Variants in RNF40 observed in about 807,000 individuals in gnomAD.
RNF40 encodes E3 ubiquitin-protein ligase BRE1B.
RNF40 carries 39 observed loss-of-function variants against 123.3 expected under a neutral mutation model. The observed-to-expected ratio is 0.32, with a 90% CI of 0.24 to 0.41. The LOEUF is 0.41. RNF40 is among the 10% of genes least tolerant of loss of function. The probability of loss-of-function intolerance (pLI) is 1.00; values close to 1 mark genes in which losing one functional copy is unlikely to be tolerated. For missense variants in RNF40, 1,003 were observed against 1,319.9 expected (o/e 0.76, Z 3.72); for synonymous variants, 538 against 526.0 (o/e 1.02, Z -0.31).
rs1398916629 is a variant in RNF40 at position 30,768,867 on chromosome 16, A to G, written c.2127A>G (p.Glu709=). The G allele has an allele frequency of 6.2e-7, 1 of 1,614,182 alleles. No homozygotes were observed. Among genetic ancestry groups the G allele is most frequent in the Non-Finnish European group, 8.5e-7 (1 of 1,180,012 alleles). The change falls in exon 15 of 20, where the codon GAA becomes GAG. Residue 709 remains glutamate, a synonymous_variant. Coordinates refer to ENST00000324685, the MANE Select transcript of RNF40 (RefSeq NM_014771.4). This position sits in a 1 kb window ranked among gnomAD's most constrained non-coding sequence, Gnocchi z 4.1. ...ATGAGCTGCGGAGCCGCATCCGGGA[A>G]TTGGAGGAGAGGGATCGAAGGGAGA... ...EVDELRSRIR[E]LEERDRRESK...
At position 30,766,577 on chromosome 16, in the gene RNF40, C is replaced by T. The variant is rs1043059792; in HGVS notation, c.1293+19C>T. On this transcript the variant is annotated intron_variant, in intron 10 of 19. Transcript: ENST00000324685. This position sits in a 1 kb window ranked among gnomAD's most constrained non-coding sequence, Gnocchi z 5.4. The stretch of plus-strand genomic sequence containing the variant: ...CATGGAGGTATGGCCCTGGAACAGG[C>T]GTTAGGGCTGGGCTAAGGGCCAAAC... 5.0e-6 allele frequency: 8 copies of T among 1,597,334 alleles called. No individual in the cohort carries two copies. The highest frequency in any genetic ancestry group is 2.7e-5 in the African/African-American group (2 of 74,656).
In RNF40 at chr16:30,762,726, C is replaced by T. The variant is rs532136196; in HGVS notation, c.132+49C>T. 4 of 1,595,560 alleles carry T rather than the reference C, an allele frequency of 2.5e-6. No homozygotes were observed. The African/African-American group carries it at 5.4e-5, about 22-fold the overall frequency. ...CTCAGAACTTCCCAGAGCCCTCCCT[C>T]TGTTCTCTGGCCAAACTGTGCGGAA... On this transcript the variant is annotated intron_variant, in intron 2 of 19. Transcript: ENST00000324685.
intron 11 of RNF40, among the ~76,000 whole-genome samples, chr16:30,767,265 A>T (rs1311813452): frequency 6.6e-6 from 1 of 152,244 alleles, no homozygotes; most frequent in Non-Finnish European, 1.5e-5. Context: ...CTGATAGAAG[A>T]CAGACTAGAG....
chr16:30,770,460 G>A (rs960626100), intron 17 of RNF40, among the ~76,000 whole-genome samples: 2 of 152,104 alleles, frequency 1.3e-5, no homozygotes, highest in Non-Finnish European at 2.9e-5. Flanking sequence ...GGCTCAGGGA[G>A]GTGGATTGTT....
chr16:30,771,642 C>A (rs1302716814), intron 17 of RNF40, among the ~76,000 whole-genome samples, 191 bp from the exon 18 acceptor site: 1 of 151,894 alleles, frequency 6.6e-6, no homozygotes. Flanking sequence ...AAAGAAACCC[C>A]AAAAAACAGC....
At position 30,766,084 on chromosome 16, in the gene RNF40, G is replaced by C; in HGVS notation, c.994-79G>C. 1 of 1,596,606 alleles carries C rather than the reference G, an allele frequency of 6.3e-7. No individual in the cohort carries two copies. The highest frequency in any genetic ancestry group is 8.6e-7 in the Non-Finnish European group (1 of 1,167,014). ...TGCCCTGCACGGGGTGCTTGGGGTG[G>C]AGTGTATGCTGGGGATGTAAGGGAG... On this transcript the variant is annotated intron_variant, in intron 8 of 19. Coordinates refer to ENST00000324685, the MANE Select transcript of RNF40 (RefSeq NM_014771.4). The surrounding 1 kb of genome is among the most constrained non-coding windows in gnomAD (Gnocchi z 5.4).
At chr16:30,772,886 G>A (rs1311699827) in intron 19 of RNF40, among the ~76,000 whole-genome samples, 4 of 152,138 alleles carry the variant, frequency 2.6e-5, no homozygotes, top group African/African-American at 9.7e-5. Context: ...GCAGAAACCA[G>A]AGTAGATGGG....
chr16:30,763,025 G>T, intron 2 of RNF40, 93 bp from the exon 3 acceptor site: 1 of 1,380,068 alleles, frequency 7.2e-7, no homozygotes, highest in Admixed American at 1.9e-5. Flanking sequence ...CATCTCCCAT[G>T]CATTGCAGAT....
chr16:30,762,046 T>C, upstream of RNF40: 1 of 460,368 alleles, frequency 2.2e-6, no homozygotes, highest in Non-Finnish European at 3.8e-6. Flanking sequence ...GCGCCCTCTC[T>C]TCCAGGTTGC....
At chr16:30,765,693 C>G (rs943208446) in intron 8 of RNF40, among the ~76,000 whole-genome samples, 194 bp downstream of exon 8, 1 of 152,042 alleles carries the variant, frequency 6.6e-6, no homozygotes, top group Admixed American at 6.5e-5. Context: ...GGCATATTGG[C>G]GAGAACAAAA....
upstream of RNF40, chr16:30,761,823 G>C (rs575524680): frequency 4.3e-6 from 6 of 1,379,378 alleles, no homozygotes; most frequent in Non-Finnish European, 5.8e-6. Context: ...CGCTCGGTCG[G>C]CGGCTACCAA....
In RNF40 at chr16:30,766,717, G is replaced by A. The variant is rs1567284380; in HGVS notation, c.1294-24G>A. On this transcript the variant is annotated intron_variant, in intron 10 of 19. Coordinates refer to ENST00000324685, the MANE Select transcript of RNF40 (RefSeq NM_014771.4). The surrounding 1 kb of genome is among the most constrained non-coding windows in gnomAD (Gnocchi z 5.4). ...TGAGGTGGGACCGAGGGGCTGTGTG[G>A]GTCCTTAACACATCAACCCACAGAG... 2 of 1,613,662 alleles carry A rather than the reference G, an allele frequency of 1.2e-6. No individual in the cohort carries two copies. The highest frequency in any genetic ancestry group is 1.1e-5 in the South Asian group (1 of 91,064).
chr16:30,772,674 C>T (rs1034418780), intron 19 of RNF40, among the ~76,000 whole-genome samples: 1 of 152,222 alleles, frequency 6.6e-6, no homozygotes. Context: ...GGAGGGGTTG[C>T]TGGGACAGCA....
chr16:30,766,759 CAGA>C lies in RNF40; in HGVS notation c.1318_1320del (p.Lys440del). 1.2e-6 allele frequency: 2 copies of C among 1,614,056 alleles called. No homozygotes were observed. Among genetic ancestry groups the C allele is most frequent in the Non-Finnish European group, 1.7e-6 (2 of 1,180,026 alleles). On this transcript the variant is annotated inframe_deletion, in exon 11 of 20. Transcript: ENST00000324685. This position sits in a 1 kb window ranked among gnomAD's most constrained non-coding sequence, Gnocchi z 5.4. Reference sequence around the variant, plus strand: ...CCCACAGAGCGACGAGCTGGGGCTGCAGAAGAAGCTACGCACAGAGGTCATTCA... The same window carrying C: ...CCCACAGAGCGACGAGCTGGGGCTGCAGAAGCTACGCACAGAGGTCATTCA...
In RNF40 at chr16:30,775,747, G is replaced by C. The variant is rs557129102; in HGVS notation, c.*1633G>C. 6.6e-6 allele frequency: 1 copy of C among 152,464 alleles called. No individual in the cohort carries two copies. The highest frequency in any genetic ancestry group is 1.5e-5 in the Non-Finnish European group (1 of 68,210). The allele number at this position is 152,464 out of a possible 1,614,324, so 9.4% of individuals were successfully genotyped here. A position where few individuals can be genotyped will look rare whatever the true frequency, so the allele number is the denominator to read the frequency against. ...TGGGGCTGGCGCCAGAGCCGGTGCG[G>C]AGCGGTGTTGGTTCAGGCGCTGGCG... On this transcript the variant is annotated 3_prime_UTR_variant, in exon 20 of 20. Transcript: ENST00000324685.
At chr16:30,764,889 T>G in intron 5 of RNF40, 49 bp from the exon 6 acceptor site, 1 of 1,582,526 alleles carries the variant, frequency 6.3e-7, no homozygotes, top group Non-Finnish European at 8.6e-7. Flanking sequence ...AGTTAGTTGT[T>G]TGCCCCATTG....
In RNF40 at chr16:30,762,696, T is replaced by C. The variant is rs1301030291; in HGVS notation, c.132+19T>C. The C allele has an allele frequency of 5.6e-6, 9 of 1,610,568 alleles. No homozygotes were observed. The East Asian group carries it at 2.0e-4, about 36-fold the overall frequency. On this transcript the variant is annotated intron_variant, in intron 2 of 19. Coordinates refer to ENST00000324685, the MANE Select transcript of RNF40 (RefSeq NM_014771.4). ...TTCCACGGTTCGTGGGCTCTTGCCT[T>C]AACCCTCAGAACTTCCCAGAGCCCT...
At chr16:30,763,718 C>T (rs752273082) in intron 4 of RNF40, among the ~76,000 whole-genome samples, 159 bp downstream of exon 4, 19 of 152,226 alleles carry the variant, frequency 1.2e-4, no homozygotes, top group Non-Finnish European at 2.9e-5. Context: ...AAAACACAGG[C>T]TTTAGACTCT....
Position 30,768,466 on chromosome 16 carries a change from G to A in RNF40, c.1915G>A (p.Ala639Thr). 6.2e-7 allele frequency: 1 copy of A among 1,611,522 alleles called. No homozygotes were observed. Among genetic ancestry groups the A allele is most frequent in the South Asian group, 1.1e-5 (1 of 90,932 alleles). ...SALSRADREK[A>T]KVEETKRKES... Reference sequence around the variant, plus strand: ...TCTCTCAAGGGCTGATCGGGAGAAGGCCAAGGTGGAAGAAACCAAGCGGAA... The same window carrying A: ...TCTCTCAAGGGCTGATCGGGAGAAGACCAAGGTGGAAGAAACCAAGCGGAA... Residue 639 changes from alanine to threonine, a missense_variant, in exon 13 of 20, where the codon GCC becomes ACC. This residue lies in a region of RNF40 where 295 missense variants were observed against 331.7 expected (regional missense o/e 0.89). Coordinates refer to ENST00000324685, the MANE Select transcript of RNF40 (RefSeq NM_014771.4). This position sits in a 1 kb window ranked among gnomAD's most constrained non-coding sequence, Gnocchi z 4.1.
Sources: gnomAD v4.1 joint callset for allele counts (sites outside exome capture counted in the v4.1 genomes callset) on GRCh38, gnomAD v4.1.1 for gene constraint, gnomAD v4.1.1 regional missense constraint, Gnocchi (gnomAD v3.1) non-coding constraint, MANE v1.5 for transcripts, NCBI Gene and HGNC (gene_info 2026-07-23, HGNC 2026-07-21) for gene names.